The following MUC12 variants were observed in gnomAD, a reference collection of about 807,000 sequenced individuals.
The protein encoded by MUC12 is mucin-12.
MUC12 carries 172 observed loss-of-function variants against 230.8 expected under a neutral mutation model. The ratio of observed to expected loss-of-function variants is 0.75; its 90% CI spans 0.66 to 0.85. The LOEUF (loss-of-function observed/expected upper bound fraction) is 0.85. MUC12 is among the 40% of genes least tolerant of loss of function. The probability of loss-of-function intolerance (pLI) is 0.00; values close to 1 mark genes in which losing one functional copy is unlikely to be tolerated. For missense variants in MUC12, 3,506 were observed against 5,920.6 expected, an observed-to-expected ratio of 0.59 and a Z score of 13.38; for synonymous variants, 1,259 against 2,401.9, an observed-to-expected ratio of 0.52 and a Z score of 13.91.
At chr7:101,017,343 G>C in intron 10 of MUC12, 1 of 500,224 alleles carries the variant, frequency 2.0e-6, no homozygotes, top group Non-Finnish European at 3.6e-6. Context: ...CCGTGCATGT[G>C]GGGGGCTTCT....
intron 1 of MUC12, among the ~76,000 whole-genome samples, chr7:100,985,922 C>T (rs1350961711): frequency 6.6e-6 from 1 of 152,208 alleles, no homozygotes; most frequent in African/African-American, 2.4e-5. Flanking sequence ...TCCTCTCTGA[C>T]CCTTGTATTC....
At position 100,991,644 on chromosome 7, in the gene MUC12, T is replaced by C; in HGVS notation, c.1081T>C (p.Tyr361His). The change falls in exon 2 of 12, where the codon TAC (tyrosine) becomes CAC (histidine). Residue 361 changes from tyrosine to histidine, a missense_variant. Physicochemically the swap from Tyr to His is moderately conservative, Grantham distance 83. Transcript: ENST00000536621. Reference sequence around the variant, plus strand: ...AGGCCATGTTGAAGAATCTACAGCCTACCACAGGAGCCCGGGCTCAACTCA... The same window carrying C: ...AGGCCATGTTGAAGAATCTACAGCCCACCACAGGAGCCCGGGCTCAACTCA... ...TSGHVEESTA[Y>H]HRSPGSTQTM... 6.5e-7 allele frequency: 1 copy of C among 1,536,984 alleles called. No individual in the cohort carries two copies. Among genetic ancestry groups the C allele is most frequent in the Non-Finnish European group, 8.7e-7 (1 of 1,146,316 alleles).
At chr7:100,977,599 C>T (rs1447275411) in intron 1 of MUC12, among the ~76,000 whole-genome samples, 2 of 152,054 alleles carry the variant, frequency 1.3e-5, no homozygotes, top group African/African-American at 4.8e-5. Flanking sequence ...CTCCTGACCT[C>T]GTGATCCACC....
At chr7:100,971,921 C>A (rs1235189954) in intron 1 of MUC12, among the ~76,000 whole-genome samples, 1 of 152,310 alleles carries the variant, frequency 6.6e-6, no homozygotes, top group Non-Finnish European at 1.5e-5. Flanking sequence ...CAACCAAAAA[C>A]CCCCGTTCCT....
chr7:101,008,517 C>T, intron 3 of MUC12, 117 bp from the exon 4 acceptor site: 1 of 1,363,276 alleles, frequency 7.3e-7, no homozygotes, highest in South Asian at 1.5e-5. Context: ...ACAGTGACCC[C>T]ACCTTCCTCT....
intron 11 of MUC12, 121 bp from the exon 12 acceptor site, chr7:101,018,474 C>A: frequency 1.4e-6 from 1 of 739,778 alleles, no homozygotes; most frequent in Non-Finnish European, 2.2e-6. Flanking sequence ...CCTCCCTCCC[C>A]CTGGGACTCC....
intron 1 of MUC12, among the ~76,000 whole-genome samples, chr7:100,984,377 C>A (rs1021129793): frequency 1.8e-4 from 28 of 151,834 alleles, no homozygotes; most frequent in African/African-American, 6.8e-4. Flanking sequence ...CTGCCCCAGC[C>A]GCCCAAGGAG....
In MUC12 at chr7:101,005,057, G is replaced by T. The variant is rs774765475; in HGVS notation, c.14494G>T (p.Ala4832Ser). The T allele has an allele frequency of 7.8e-6, 12 of 1,537,602 alleles. No individual in the cohort carries two copies. The highest frequency in any genetic ancestry group is 5.5e-5 in the African/African-American group (4 of 73,066). ...CACCCCTCATAGCCAACCAGGCTCA[G>T]CTCTGTCAACAGTGTCACCTGCCAG... ...FTTPHSQPGS[A>S]LSTVSPASTT... Residue 4832 changes from alanine to serine, a missense_variant, in exon 2 of 12, where the codon GCT becomes TCT. Transcript: ENST00000536621.
At chr7:101,016,063 G>T (rs1269005447) in intron 10 of MUC12, among the ~76,000 whole-genome samples, 2 of 152,148 alleles carry the variant, frequency 1.3e-5, no homozygotes, top group African/African-American at 4.8e-5. Flanking sequence ...TCTTGAATAG[G>T]TGAGTAAGCA....
Position 100,996,898 on chromosome 7 carries a change from CA to C in MUC12, c.6337del (p.Thr2113GlnfsTer56). 1.1e-6 allele frequency: 1 copy of C among 876,608 alleles called. No individual in the cohort carries two copies. 54.3% of individuals were successfully genotyped at this position (876,608 alleles called of 1,614,324 possible). ...TTYHRSPGST[P>X]TTHFPASSTT... ...TACCACCGCAGCCCAGGCTCGACTC[CA>C]ACAACACACTTCCCTGCCAGCTCCA... On this transcript the variant is annotated frameshift_variant, in exon 2 of 12. Transcript: ENST00000536621. LOFTEE classifies it high-confidence loss of function.
At chr7:100,972,144 T>G (rs1360662375) in intron 1 of MUC12, 1 of 703,438 alleles carries the variant, frequency 1.4e-6, no homozygotes, top group Non-Finnish European at 2.6e-6. Flanking sequence ...CAAAGCCATT[T>G]CCCAGCAGGT....
In MUC12 at chr7:100,991,828, C is replaced by A. The variant is rs565869464; in HGVS notation, c.1265C>A (p.Thr422Lys). ...YHSSLGSTET[T>K]HFRDSSTISG... ...AGCAGCCTGGGCTCAACTGAAACAA[C>A]ACACTTCCGTGATAGCTCCACAATC... Residue 422 changes from threonine to lysine, a missense_variant, in exon 2 of 12, where the codon ACA becomes AAA. Physicochemically the swap from Thr to Lys is moderately conservative, Grantham distance 78. Transcript: ENST00000536621. The A allele has an allele frequency of 6.5e-7, 1 of 1,537,714 alleles. No individual in the cohort carries two copies. Among genetic ancestry groups the A allele is most frequent in the South Asian group, 1.2e-5 (1 of 84,046 alleles).
At position 100,997,412 on chromosome 7, in the gene MUC12, G is replaced by C. The variant is rs1208761158; in HGVS notation, c.6849G>C (p.Leu2283=). Residue 2283 remains leucine (L), a synonymous_variant, in exon 2 of 12, where the codon CTG becomes CTC. Transcript: ENST00000536621. ...GGCCAGCCTCAACTCACACAACACT[G>C]TTCACTGAGGACAGCACCACCTCGG... is the stretch of plus-strand genomic sequence containing the variant. ...HSRPASTHTT[L]FTEDSTTSGL... is the part of the protein sequence containing the mutation. 2 of 264,372 alleles carry C rather than the reference G, an allele frequency of 7.6e-6. No individual in the cohort carries two copies. Among genetic ancestry groups the C allele is most frequent in the Non-Finnish European group, 9.4e-6 (2 of 213,338 alleles). The allele number at this position is 264,372 out of a possible 1,614,324, so 16.4% of individuals were successfully genotyped here.
rs61742939 is a variant in MUC12, at chr7:100,991,461, A to G, written c.898A>G (p.Lys300Glu). 9.1e-6 allele frequency: 14 copies of G among 1,537,602 alleles called. No homozygotes were observed. The East Asian group carries it at 1.7e-4, about 19-fold the overall frequency. Reference sequence around the variant, plus strand: ...TTCTGGTACCACATCAGCCTTTGTTAAACTATCTACAACTTATCACAGCAG... The same window carrying G: ...TTCTGGTACCACATCAGCCTTTGTTGAACTATCTACAACTTATCACAGCAG... ...APSGTTSAFV[K>E]LSTTYHSSPS... The change falls in exon 2 of 12, where the codon AAA becomes GAA. Residue 300 changes from lysine (K) to glutamate (E), a missense_variant. By Grantham distance (56) the Lys-to-Glu change is moderately conservative (BLOSUM62 1). Coordinates refer to ENST00000536621, the MANE Select transcript of MUC12 (RefSeq NM_001164462.2).
Position 100,971,181 on chromosome 7 carries a change from CA to C in MUC12, c.67+1502del, listed in dbSNP as rs112472454. ...AAAAAACAAACAAAAAAGAAACAAACAAAAAAAAAACAAACCGTGGCTGAGG... is the reference window on the plus strand; with the variant it reads ...AAAAAACAAACAAAAAAGAAACAAACAAAAAAAAACAAACCGTGGCTGAGG... On this transcript the variant is annotated intron_variant, in intron 1 of 11. Transcript: ENST00000536621. Among the ~76,000 whole-genome samples the C allele has an allele frequency of 3.5e-3, 363 of 104,210 alleles. 1 individual carries two copies. The highest frequency in any genetic ancestry group is 0.016 in the African/African-American group (337 of 20,882). 68.4% of individuals were successfully genotyped at this position (104,210 alleles called of 152,430 possible).
intron 3 of MUC12, among the ~76,000 whole-genome samples, chr7:101,007,643 A>ATT (rs1793775579): frequency 6.6e-6 from 1 of 152,196 alleles, no homozygotes; most frequent in South Asian, 2.1e-4. Flanking sequence ...TTCTCTATCC[A>ATT]TTCATCTGTT....
intron 5 of MUC12, among the ~76,000 whole-genome samples, chr7:101,011,244 G>A (rs1285231633): frequency 2.0e-5 from 3 of 151,948 alleles, no homozygotes; most frequent in African/African-American, 4.8e-5. Flanking sequence ...GCTCAGCGTC[G>A]GCACCCTGGT....
Position 101,005,410 on chromosome 7 carries a change from T to C in MUC12, c.14847T>C (p.Pro4949=). Residue 4949 remains proline, a synonymous_variant, in exon 2 of 12, where the codon CCT becomes CCC. Coordinates refer to ENST00000536621, the MANE Select transcript of MUC12 (RefSeq NM_001164462.2). The part of the protein sequence containing the change: ...SPSPTYTTLF[P]ASSSTSGLTE... ...CCCCTACTTACACAACACTCTTTCC[T>C]GCGAGTTCCAGCACATCAGGCCTCA... The C allele has an allele frequency of 3.9e-6, 6 of 1,537,962 alleles. No individual in the cohort carries two copies. The highest frequency in any genetic ancestry group is 4.9e-5 in the East Asian group (2 of 40,928).
At chr7:100,988,734 A>C (rs187706398) in intron 1 of MUC12, among the ~76,000 whole-genome samples, 1 of 152,266 alleles carries the variant, frequency 6.6e-6, no homozygotes, top group Admixed American at 6.5e-5. Flanking sequence ...GAGACTTGTC[A>C]GACCAGATAT....
Sources: gnomAD v4.1 joint callset for allele counts (sites outside exome capture counted in the v4.1 genomes callset) on GRCh38, gnomAD v4.1.1 for gene constraint, MANE v1.5 for transcripts, NCBI Gene and HGNC (gene_info 2026-07-23, HGNC 2026-07-21) for gene names.